The following TRANK1 variants were observed in gnomAD, a reference collection of about 807,000 sequenced individuals.
TRANK1 encodes the protein TPR and ankyrin repeat-containing protein 1.
A neutral mutation model predicts 266.0 loss-of-function variants in TRANK1; 198 were observed. That is an observed-to-expected ratio of 0.74 (90% CI 0.66 to 0.84). The LOEUF is 0.84. Ranked by LOEUF, TRANK1 falls within the 40% of genes least tolerant of loss-of-function variation. The pLI, the probability that TRANK1 is intolerant of heterozygous loss-of-function variation, is 0.00. For synonymous variants in TRANK1, 1,396 were observed against 1,384.1 expected (o/e 1.01, Z -0.19); for missense variants, 3,326 against 3,634.6 (o/e 0.92, Z 2.18).
intron 1 of TRANK1, chr3:36,929,197 A>G (rs932358050): frequency 6.8e-6 from 1 of 147,648 alleles, no homozygotes; most frequent in Non-Finnish European, 1.5e-5. Flanking sequence ...CAGGTTGGAG[A>G]GCAGTGGCAA....
intron 23 of TRANK1, among the ~76,000 whole-genome samples, chr3:36,829,289 G>A (rs1251404541): frequency 6.6e-6 from 1 of 152,206 alleles, no homozygotes; most frequent in East Asian, 1.9e-4. Context: ...CATTGAGTAT[G>A]TGCAGTGACT....
intron 7 of TRANK1, 68 bp from the exon 8 acceptor site, chr3:36,890,028 A>G: frequency 1.3e-6 from 2 of 1,508,606 alleles, no homozygotes; most frequent in South Asian, 2.5e-5. Flanking sequence ...TAATTTGTGC[A>G]GAAGCAATAG....
At chr3:36,860,851 C>T (rs1344868594) in intron 11 of TRANK1, 55 bp downstream of exon 11, 41 of 1,525,750 alleles carry the variant, frequency 2.7e-5, no homozygotes, top group Non-Finnish European at 3.5e-5. Flanking sequence ...GCCTGGACTC[C>T]ATCACGTGGA....
In TRANK1 at chr3:36,832,014, C is replaced by G. The variant is rs368543909; in HGVS notation, c.7569G>C (p.Arg2523=). 89 of 1,613,874 alleles carry G rather than the reference C, an allele frequency of 5.5e-5. 1 individual carries two copies. In the African/African-American group the frequency reaches 9.3e-4, roughly 17 times the overall value. The change falls in exon 22 of 24, where the codon CGG becomes CGC. Residue 2523 remains arginine (R), a synonymous_variant. Transcript: ENST00000645898. ...KDVTRAIQDF[R]FHLSYLAKVL... ...CCTTGGCGAGGTAGGAGAGATGGAA[C>G]CGGAAATCCTGAATGGCTCTTGTCA...
At chr3:36,841,352 C>G (rs2078841393) in intron 18 of TRANK1, among the ~76,000 whole-genome samples, 1 of 152,172 alleles carries the variant, frequency 6.6e-6, no homozygotes. Flanking sequence ...TTTCCAAAAC[C>G]CAGATCCAGT....
At position 36,861,143 on chromosome 3, in the gene TRANK1, C is replaced by T. The variant is rs1333486371; in HGVS notation, c.1258G>A (p.Val420Ile). ...STLQEIPPDL[V>I]CDINQDCATT... is the part of the protein sequence containing the mutation. ...GCACAGTCTTGATTAATATCACAGA[C>T]CAGGTCAGGAGGAATTTCTTTCAAA... Residue 420 changes from valine to isoleucine, a missense_variant, in exon 11 of 24, where the codon GTC becomes ATC. Physicochemically the swap from Val to Ile is conservative, Grantham distance 29 (BLOSUM62 3). Coordinates refer to ENST00000645898, the MANE Select transcript of TRANK1 (RefSeq NM_001329998.2). 1 of 1,537,052 alleles carries T rather than the reference C, an allele frequency of 6.5e-7. No individual in the cohort carries two copies. Among genetic ancestry groups the T allele is most frequent in the East Asian group, 2.4e-5 (1 of 40,912 alleles).
chr3:36,854,279 G>T (rs1265488257), intron 13 of TRANK1, among the ~76,000 whole-genome samples: 1 of 151,952 alleles, frequency 6.6e-6, no homozygotes, highest in African/African-American at 2.4e-5. Flanking sequence ...AGAATTGCTT[G>T]AACCCAGGAG....
intron 1 of TRANK1, among the ~76,000 whole-genome samples, chr3:36,931,173 A>G (rs914653015): frequency 6.6e-6 from 1 of 152,128 alleles, no homozygotes; most frequent in African/African-American, 2.4e-5. Context: ...TTGCTGTAAT[A>G]ATAAAAGACT....
chr3:36,832,652 T>G lies in TRANK1; in HGVS notation c.6931A>C (p.Ile2311Leu). Residue 2311 changes from isoleucine to leucine, a missense_variant, in exon 22 of 24, where the codon ATC becomes CTC. Physicochemically the swap from Ile to Leu is conservative, Grantham distance 5. Coordinates refer to ENST00000645898, the MANE Select transcript of TRANK1 (RefSeq NM_001329998.2). ...RFYRFALKEY[I>L]HFLFENESAR... ...CTTTCATTTTCAAACAGAAAGTGGATGTACTCCTTCAAAGCAAATCTGTAG... is the reference window on the plus strand; with the variant it reads ...CTTTCATTTTCAAACAGAAAGTGGAGGTACTCCTTCAAAGCAAATCTGTAG... The G allele has an allele frequency of 6.2e-7, 1 of 1,614,032 alleles. No individual in the cohort carries two copies. Among genetic ancestry groups the G allele is most frequent in the East Asian group, 2.2e-5 (1 of 44,886 alleles).
chr3:36,906,687 G>A (rs959212091), intron 2 of TRANK1, among the ~76,000 whole-genome samples: 2 of 152,114 alleles, frequency 1.3e-5, no homozygotes, highest in African/African-American at 4.8e-5. Context: ...TGAAGATAAA[G>A]GAAGGAGCCA....
At chr3:36,859,251 C>G (rs1316106792) in intron 11 of TRANK1, among the ~76,000 whole-genome samples, 2 of 151,688 alleles carry the variant, frequency 1.3e-5, no homozygotes, top group Non-Finnish European at 2.9e-5. Flanking sequence ...TGTGAGGACA[C>G]TTTCTACATC....
chr3:36,926,489 G>A (rs761697940), intron 1 of TRANK1, among the ~76,000 whole-genome samples: 3 of 151,994 alleles, frequency 2.0e-5, no homozygotes, highest in African/African-American at 4.8e-5. Flanking sequence ...TGGGCCAATC[G>A]ATCCCTCATG....
intron 8 of TRANK1, among the ~76,000 whole-genome samples, chr3:36,879,599 A>AATATATATAAATATACAAATATATAT (rs1559447997): frequency 4.6e-5 from 3 of 64,786 alleles, no homozygotes; most frequent in Non-Finnish European, 8.0e-5. Context: ...CAAATATATA[A>AATATATATAAATATACAAATATATAT]ATATATATAA....
rs2078805155 is a variant in TRANK1, at chr3:36,838,814, T to C, written c.5281-98A>G. 7 of 1,230,342 alleles carry C rather than the reference T, an allele frequency of 5.7e-6. No homozygotes were observed. The Admixed American group carries it at 6.2e-5, about 11-fold the overall frequency. The allele number at this position is 1,230,342 out of a possible 1,614,324, so 76.2% of individuals were successfully genotyped here. A position where few individuals can be genotyped will look rare whatever the true frequency, so the allele number is the denominator to read the frequency against. On this transcript the variant is annotated intron_variant, in intron 18 of 23. Transcript: ENST00000645898. ...ATTATAAGTTTGTACTGACAAAACATGAAGTCTTGCTCCAGCCCAATCTGA... is the reference window on the plus strand; with the variant it reads ...ATTATAAGTTTGTACTGACAAAACACGAAGTCTTGCTCCAGCCCAATCTGA...
At chr3:36,919,237 T>C (rs1332326733) in intron 1 of TRANK1, among the ~76,000 whole-genome samples, 1 of 152,196 alleles carries the variant, frequency 6.6e-6, no homozygotes, top group African/African-American at 2.4e-5. Context: ...CATCTACCCA[T>C]CTAACTCCCA....
At position 36,911,985 on chromosome 3, in the gene TRANK1, G is replaced by A. The variant is rs566847481; in HGVS notation, c.24-3531C>T. Among the ~76,000 whole-genome samples, 45 of 152,176 alleles carry A rather than the reference G, an allele frequency of 3.0e-4. No homozygotes were observed. The South Asian group carries it at 9.1e-3, about 31-fold the overall frequency. ...GCAGATTAGCTGAGGTCAGGAGTTCGAGACCAGCCTGGCCAACATGGTGAA... is the reference window on the plus strand; with the variant it reads ...GCAGATTAGCTGAGGTCAGGAGTTCAAGACCAGCCTGGCCAACATGGTGAA... On this transcript the variant is annotated intron_variant, in intron 1 of 23. Coordinates refer to ENST00000645898, the MANE Select transcript of TRANK1 (RefSeq NM_001329998.2).
At position 36,892,973 on chromosome 3, in the gene TRANK1, A is replaced by C; in HGVS notation, c.564T>G (p.Leu188=). ...AKKGLWHSFL[L]LSAKKDRLPR... is the part of the protein sequence containing the mutation. ...GTAATCGGTCTTTTTTTGCTGACAGAAGCAGAAATGACTGGTGGGAGAAGA... is the reference window on the plus strand; with the variant it reads ...GTAATCGGTCTTTTTTTGCTGACAGCAGCAGAAATGACTGGTGGGAGAAGA... The change falls in exon 6 of 24, where the codon CTT becomes CTG. Residue 188 remains leucine, a synonymous_variant. Coordinates refer to ENST00000645898, the MANE Select transcript of TRANK1 (RefSeq NM_001329998.2). 1.3e-6 allele frequency: 2 copies of C among 1,510,318 alleles called. No homozygotes were observed. The highest frequency in any genetic ancestry group is 1.8e-6 in the Non-Finnish European group (2 of 1,137,346). 93.6% of individuals were successfully genotyped at this position (1,510,318 alleles called of 1,614,324 possible).
chr3:36,871,311 C>T (rs886347306), intron 9 of TRANK1, among the ~76,000 whole-genome samples: 8 of 152,166 alleles, frequency 5.3e-5, no homozygotes, highest in Non-Finnish European at 1.0e-4. Context: ...ACGCTTGAAC[C>T]GGGGAGGCGG....
At position 36,858,618 on chromosome 3, in the gene TRANK1, T is replaced by C. The variant is rs916858898; in HGVS notation, c.1672+100A>G. ...GGCCAAGAAATGGGCCTTTTTCAGA[T>C]CACTGGTTTACACAAAAGGAAAGAC... On this transcript the variant is annotated intron_variant, in intron 12 of 23. Coordinates refer to ENST00000645898, the MANE Select transcript of TRANK1 (RefSeq NM_001329998.2). 5.2e-6 allele frequency: 7 copies of C among 1,333,414 alleles called. No individual in the cohort carries two copies. The African/African-American group carries it at 8.9e-5, about 17-fold the overall frequency. The allele number at this position is 1,333,414 out of a possible 1,614,324, so 82.6% of individuals were successfully genotyped here. A position where few individuals can be genotyped will look rare whatever the true frequency, so the allele number is the denominator to read the frequency against.
Sources: allele counts gnomAD v4.1 joint callset (sites outside exome capture counted in the v4.1 genomes callset), GRCh38; gene constraint gnomAD v4.1.1; transcripts MANE v1.5; gene names NCBI Gene and HGNC (gene_info 2026-07-23, HGNC 2026-07-21).